The following FBXW7 variants were observed in gnomAD, a reference collection of about 807,000 sequenced individuals.
FBXW7 encodes F-box and WD repeat domain containing 7.
FBXW7 carries 11 observed loss-of-function variants against 86.3 expected under a neutral mutation model. That is an observed-to-expected ratio of 0.13 (90% CI 0.08 to 0.21). The LOEUF (loss-of-function observed/expected upper bound fraction) is 0.21. FBXW7 is among the 10% of genes least tolerant of loss of function. FBXW7 has a pLI of 1.00. For synonymous variants in FBXW7, 313 were observed against 297.9 expected (o/e 1.05, Z -0.52); for missense variants, 488 against 847.4 (o/e 0.58, Z 5.27).
Position 152,465,057 on chromosome 4 carries a change from T to C in FBXW7, c.-119-52528A>G, listed in dbSNP as rs1374231721. On this transcript the variant is annotated intron_variant, in intron 2 of 13. Coordinates refer to ENST00000281708, the MANE Select transcript of FBXW7 (RefSeq NM_001349798.2). ...GTTCTATTCATATAACCAGAACCAGTATCTCCAAGGTGTATTATTGGTCAG... is the reference window on the plus strand; with the variant it reads ...GTTCTATTCATATAACCAGAACCAGCATCTCCAAGGTGTATTATTGGTCAG... Among the ~76,000 whole-genome samples the C allele has an allele frequency of 4.6e-5, 7 of 152,150 alleles. No individual in the cohort carries two copies. The South Asian group carries it at 8.3e-4, about 18-fold the overall frequency.
chr4:152,356,651 T>C (rs1222334155), intron 4 of FBXW7, among the ~76,000 whole-genome samples: 1 of 152,332 alleles, frequency 6.6e-6, no homozygotes, highest in African/African-American at 2.4e-5. Flanking sequence ...GCCAAGCATG[T>C]TGAGACTGAA....
Position 152,400,819 on chromosome 4 carries a change from G to A in FBXW7, c.501+10484C>T, listed in dbSNP as rs1203570087. On this transcript the variant is annotated intron_variant, in intron 4 of 13. Coordinates refer to ENST00000281708, the MANE Select transcript of FBXW7 (RefSeq NM_001349798.2). ...GAAAGTATTTGCAAAATGCACATGG[G>A]ATAAACGATTGTTATCCAAAATATA... Among the ~76,000 whole-genome samples, 4 of 152,134 alleles carry A rather than the reference G, an allele frequency of 2.6e-5. No homozygotes were observed. In the South Asian group the frequency reaches 8.3e-4, roughly 31 times the overall value.
intron 2 of FBXW7, among the ~76,000 whole-genome samples, chr4:152,458,612 A>C (rs922239809): frequency 1.3e-5 from 2 of 152,224 alleles, no homozygotes; most frequent in African/African-American, 4.8e-5. Context: ...ATCCATTTGC[A>C]CATTTAAAAA....
intron 6 of FBXW7, among the ~76,000 whole-genome samples, chr4:152,340,562 C>T (rs945616740): frequency 4.9e-5 from 6 of 123,090 alleles, no homozygotes; most frequent in Admixed American, 2.2e-4. Context: ...GGCGACAGAG[C>T]GAAACTCCAT....
At chr4:152,471,407 AGGAAGGAAGGAAAAAG>A (rs1183216833) in intron 2 of FBXW7, among the ~76,000 whole-genome samples, 1 of 124,308 alleles carries the variant, frequency 8.0e-6, no homozygotes, top group African/African-American at 3.0e-5. Context: ...GAAGGAGGGA[AGGAAGGAAGGAAAAAG>A]GGAAGGAAGG....
intron 4 of FBXW7, among the ~76,000 whole-genome samples, chr4:152,376,599 G>C (rs1026677798): frequency 2.0e-5 from 3 of 152,000 alleles, no homozygotes; most frequent in African/African-American, 7.2e-5. Flanking sequence ...TTAAAATTTT[G>C]AATATAGGCT....
At chr4:152,530,798 T>C (rs565457261) in intron 2 of FBXW7, 8 of 152,364 alleles carry the variant, frequency 5.3e-5, no homozygotes, top group South Asian at 4.1e-4. Flanking sequence ...TATGGGCCAA[T>C]TGGAGCACGG....
chr4:152,457,320 C>T (rs1287027062), intron 2 of FBXW7, among the ~76,000 whole-genome samples: 1 of 152,066 alleles, frequency 6.6e-6, no homozygotes, highest in Non-Finnish European at 1.5e-5. Context: ...TGCACATATA[C>T]GTCAAAACTC....
chr4:152,491,045 T>C (rs1745798049), intron 2 of FBXW7, among the ~76,000 whole-genome samples: 2 of 152,164 alleles, frequency 1.3e-5, no homozygotes, highest in African/African-American at 4.8e-5. Flanking sequence ...AATACATTAA[T>C]AAGGAAGAAG....
chr4:152,417,804 T>C (rs1738577649), intron 2 of FBXW7, among the ~76,000 whole-genome samples: 1 of 152,094 alleles, frequency 6.6e-6, no homozygotes, highest in East Asian at 1.9e-4. Context: ...CTATCGCACC[T>C]TGGAATCCAT....
intron 2 of FBXW7, among the ~76,000 whole-genome samples, chr4:152,449,511 A>C (rs1427333391): frequency 6.6e-6 from 1 of 152,210 alleles, no homozygotes; most frequent in Non-Finnish European, 1.5e-5. Flanking sequence ...TGGATAATCC[A>C]AGGAGGCTCC....
At chr4:152,350,000 A>G (rs2126648662) in intron 5 of FBXW7, 42 bp downstream of exon 5, 1 of 1,176,106 alleles carries the variant, frequency 8.5e-7, no homozygotes, top group South Asian at 1.6e-5. Context: ...ATCAACTCTA[A>G]AAAACTGAGA....
chr4:152,423,137 T>C (rs1739089942), intron 2 of FBXW7, among the ~76,000 whole-genome samples: 1 of 152,190 alleles, frequency 6.6e-6, no homozygotes, highest in Non-Finnish European at 1.5e-5. Flanking sequence ...AGCATCTGGT[T>C]TCCTTCTTAT....
intron 2 of FBXW7, among the ~76,000 whole-genome samples, chr4:152,445,328 T>C (rs1254245548): frequency 6.6e-6 from 1 of 152,194 alleles, no homozygotes; most frequent in Non-Finnish European, 1.5e-5. Flanking sequence ...AAAGTACAAA[T>C]ACAAACTGAG....
chr4:152,395,961 T>C (rs544086068), intron 4 of FBXW7, among the ~76,000 whole-genome samples: 25 of 152,050 alleles, frequency 1.6e-4, no homozygotes, highest in Non-Finnish European at 3.1e-4. Flanking sequence ...GAAATTCCAA[T>C]GAATTTTGAA....
intron 4 of FBXW7, among the ~76,000 whole-genome samples, chr4:152,373,740 T>C (rs1423036243): frequency 1.3e-5 from 2 of 152,054 alleles, no homozygotes; most frequent in Non-Finnish European, 2.9e-5. Flanking sequence ...ACTTTGTACG[T>C]AGGTCCATTT....
intron 2 of FBXW7, among the ~76,000 whole-genome samples, chr4:152,471,619 A>G (rs1265078250): frequency 1.3e-5 from 2 of 151,582 alleles, no homozygotes; most frequent in Admixed American, 6.6e-5. Context: ...GAAGGAAATG[A>G]CTGGCGCAGT....
At chr4:152,378,998 A>G (rs1410509822) in intron 4 of FBXW7, among the ~76,000 whole-genome samples, 1 of 152,038 alleles carries the variant, frequency 6.6e-6, no homozygotes, top group Admixed American at 6.6e-5. Context: ...AGAGTGAGAC[A>G]CTGTCCCAAA....
intron 12 of FBXW7, chr4:152,325,159 TC>T (rs1399870417): frequency 2.0e-5 from 3 of 152,138 alleles, no homozygotes; most frequent in Non-Finnish European, 4.4e-5. Context: ...TGCAGCCAAT[TC>T]CCCTTCCTCC....
Sources: gnomAD v4.1 joint callset for allele counts (sites outside exome capture counted in the v4.1 genomes callset) on GRCh38, gnomAD v4.1.1 for gene constraint, MANE v1.5 for transcripts, NCBI Gene and HGNC (gene_info 2026-07-23, HGNC 2026-07-21) for gene names.